SCRG1: variants seen among roughly 807,000 people sequenced by gnomAD.
SCRG1 encodes the protein scrapie-responsive protein 1.
In SCRG1, 3 loss-of-function variants were observed where a neutral mutation model predicts 7.7. The ratio of observed to expected loss-of-function variants is 0.39; its 90% CI spans 0.18 to 1.01. SCRG1 has a LOEUF of 1.01. Ranked by LOEUF, SCRG1 falls within the 50% of genes least tolerant of loss-of-function variation. The pLI, the probability that SCRG1 is intolerant of heterozygous loss-of-function variation, is 0.36. For synonymous variants in SCRG1, 46 were observed against 41.2 expected, an observed-to-expected ratio of 1.12 and a Z score of -0.44; for missense variants, 110 against 117.2, an observed-to-expected ratio of 0.94 and a Z score of 0.28.
the SCRG1 span, among the ~76,000 whole-genome samples, chr4:173,416,723 C>T: frequency 6.6e-6 from 1 of 152,210 alleles, no homozygotes; most frequent in African/African-American, 2.4e-5. Context: ...CTGGGGCCCT[C>T]TCCCTTCGTG....
chr4:173,428,080 G>T, the SCRG1 span, among the ~76,000 whole-genome samples: 1,925 of 152,276 alleles, frequency 0.013, 39 homozygotes, highest in African/African-American at 0.043. Flanking sequence ...TATGTTTGGG[G>T]TGGAGGGGTG....
chr4:173,496,411 A>G, the SCRG1 span, among the ~76,000 whole-genome samples: 2 of 152,178 alleles, frequency 1.3e-5, no homozygotes, highest in Non-Finnish European at 2.9e-5. Flanking sequence ...CCAGGTGGGT[A>G]GTGGTACCAG....
the SCRG1 span, among the ~76,000 whole-genome samples, chr4:173,417,118 A>G: frequency 1.3e-5 from 2 of 151,618 alleles, no homozygotes; most frequent in Non-Finnish European, 2.9e-5. Context: ...ACACACAGAC[A>G]CACACAGACA....
At chr4:173,461,258 C>G in the SCRG1 span, among the ~76,000 whole-genome samples, 1 of 152,146 alleles carries the variant, frequency 6.6e-6, no homozygotes, top group South Asian at 2.1e-4. Context: ...TATAGCAGGC[C>G]TTGGGTGAGA....
At chr4:173,468,227 T>C in the SCRG1 span, 2 of 152,464 alleles carry the variant, frequency 1.3e-5, no homozygotes, top group Non-Finnish European at 2.9e-5. Flanking sequence ...GTTACCACTG[T>C]GTAACAATTG....
the SCRG1 span, among the ~76,000 whole-genome samples, chr4:173,446,414 C>T: frequency 6.6e-6 from 1 of 151,614 alleles, no homozygotes; most frequent in African/African-American, 2.4e-5. Flanking sequence ...GGGGGAAAAG[C>T]CAATTTTAAT....
chr4:173,391,279 C>G lies in SCRG1; in HGVS notation c.136G>C (p.Ala46Pro), dbSNP rs768517816. Residue 46 changes from alanine (A) to proline (P), a missense_variant, in exon 2 of 3, where the codon GCT (alanine) becomes CCT (proline). Transcript: ENST00000296506. ...TTGACATCAATCTGTGTCAGGTCAG[C>G]TACTCCTTCCGGAAGGTTGTGACAG... ...HNCHNLPEGV[A>P]DLTQIDVNVQ... 6.2e-7 allele frequency: 1 copy of G among 1,614,166 alleles called. No individual in the cohort carries two copies. Among genetic ancestry groups the G allele is most frequent in the South Asian group, 1.1e-5 (1 of 91,086 alleles).
the SCRG1 span, among the ~76,000 whole-genome samples, chr4:173,484,695 T>A: frequency 2.0e-5 from 2 of 98,700 alleles, no homozygotes; most frequent in Admixed American, 3.5e-4. Flanking sequence ...TATTATATAT[T>A]ATATGCATAT....
the SCRG1 span, among the ~76,000 whole-genome samples, chr4:173,498,636 G>T: frequency 6.6e-5 from 10 of 152,260 alleles, 1 homozygote; most frequent in East Asian, 1.9e-3. Flanking sequence ...ATTGAATGTT[G>T]ATACATTACA....
At chr4:173,435,408 C>T in the SCRG1 span, among the ~76,000 whole-genome samples, 1 of 152,186 alleles carries the variant, frequency 6.6e-6, no homozygotes, top group African/African-American at 2.4e-5. Context: ...TGTGGTTACC[C>T]GTCGGACATC....
chr4:173,458,885 G>T, the SCRG1 span, among the ~76,000 whole-genome samples: 2 of 151,752 alleles, frequency 1.3e-5, no homozygotes, highest in Non-Finnish European at 2.9e-5. Flanking sequence ...CACTTATAAA[G>T]ACATACATAG....
At chr4:173,437,280 G>A in the SCRG1 span, among the ~76,000 whole-genome samples, 4 of 151,994 alleles carry the variant, frequency 2.6e-5, no homozygotes, top group East Asian at 1.9e-4. Flanking sequence ...ACACACACAC[G>A]CACAGAGTAG....
the SCRG1 span, among the ~76,000 whole-genome samples, chr4:173,470,245 T>C: frequency 1.3e-5 from 2 of 151,618 alleles, no homozygotes; most frequent in Non-Finnish European, 2.9e-5. Flanking sequence ...TAAACTATTA[T>C]AAGAACAGAA....
chr4:173,507,338 T>C, the SCRG1 span, among the ~76,000 whole-genome samples: 1 of 151,978 alleles, frequency 6.6e-6, no homozygotes, highest in African/African-American at 2.4e-5. The surrounding 1 kb of genome is among the most constrained non-coding windows in gnomAD (Gnocchi z 4.4). Flanking sequence ...GCCTCCCGAG[T>C]AGCTGGGATT....
the SCRG1 span, chr4:173,419,907 C>A: frequency 6.8e-6 from 6 of 875,918 alleles, no homozygotes; most frequent in African/African-American, 9.8e-5. Flanking sequence ...GTCAGGCCGG[C>A]CTTCACACCA....
the SCRG1 span, among the ~76,000 whole-genome samples, chr4:173,510,756 C>G: frequency 6.6e-6 from 1 of 152,094 alleles, no homozygotes; most frequent in African/African-American, 2.4e-5. This position sits in a 1 kb window ranked among gnomAD's most constrained non-coding sequence, Gnocchi z 5.7. Context: ...ACCTAGCTGT[C>G]CTCCATCCCG....
At chr4:173,406,314 T>C (rs1230817256) in exon 1 of SCRG1, 2 of 152,252 alleles carry the variant, frequency 1.3e-5, no homozygotes, top group Non-Finnish European at 2.9e-5. Context: ...CGGTGTCTTT[T>C]ACCTTTAGTT....
chr4:173,451,842 T>C, the SCRG1 span, among the ~76,000 whole-genome samples: 2 of 151,850 alleles, frequency 1.3e-5, no homozygotes, highest in Non-Finnish European at 2.9e-5. Context: ...AATTTGCTTG[T>C]TTGGTTTGTT....
the SCRG1 span, among the ~76,000 whole-genome samples, chr4:173,414,066 G>C: frequency 6.6e-6 from 1 of 152,120 alleles, no homozygotes; most frequent in Non-Finnish European, 1.5e-5. Context: ...AAATAAATGT[G>C]GGTTTTGTTT....
Sources: gnomAD v4.1 joint callset for allele counts (sites outside exome capture counted in the v4.1 genomes callset) on GRCh38, gnomAD v4.1.1 for gene constraint, Gnocchi (gnomAD v3.1) non-coding constraint, MANE v1.5 for transcripts, NCBI Gene and HGNC (gene_info 2026-07-23, HGNC 2026-07-21) for gene names.